Variants in MAPK14 observed in about 807,000 individuals in gnomAD.
The protein encoded by MAPK14 is mitogen-activated protein kinase 14.
A neutral mutation model predicts 49.6 loss-of-function variants in MAPK14; 16 were observed. That is an observed-to-expected ratio of 0.32 (90% CI 0.22 to 0.49). The LOEUF (loss-of-function observed/expected upper bound fraction) is 0.49. MAPK14 is among the 20% of genes least tolerant of loss of function. The pLI, the probability that MAPK14 is intolerant of heterozygous loss-of-function variation, is 0.99. For synonymous variants in MAPK14, 142 were observed against 158.0 expected (o/e 0.90, Z 0.76); for missense variants, 200 against 441.2 (o/e 0.45, Z 4.90).
intron 10 of MAPK14, among the ~76,000 whole-genome samples, chr6:36,104,608 C>T (rs193017241): frequency 1.6e-4 from 25 of 152,240 alleles, no homozygotes; most frequent in African/African-American, 5.5e-4. Context: ...AGGATGGTCT[C>T]GATCTCCTGA....
In MAPK14 at chr6:36,107,631, A is replaced by G. The variant is rs1765838267; in HGVS notation, c.1015+3A>G. 1.3e-6 allele frequency: 2 copies of G among 1,561,206 alleles called. No homozygotes were observed. Among genetic ancestry groups the G allele is most frequent in the Non-Finnish European group, 1.7e-6 (2 of 1,156,526 alleles). ...CCTCCTTATAGATGAGTGGAAAAGTAAGTCCTAAGGGTAGGATTAACATCT... is the reference window on the plus strand; with the variant it reads ...CCTCCTTATAGATGAGTGGAAAAGTGAGTCCTAAGGGTAGGATTAACATCT... On this transcript the variant is annotated splice_donor_region_variant and intron_variant, in intron 11 of 11. Coordinates refer to ENST00000229794, the MANE Select transcript of MAPK14 (RefSeq NM_139012.3). The surrounding 1 kb of genome is among the most constrained non-coding windows in gnomAD (Gnocchi z 4.3).
intron 1 of MAPK14, among the ~76,000 whole-genome samples, chr6:36,036,979 G>A (rs1042128182): frequency 2.6e-5 from 4 of 152,086 alleles, no homozygotes; most frequent in Non-Finnish European, 4.4e-5. Context: ...GACCTCAAGC[G>A]ATCCTCCTGC....
At chr6:36,030,750 C>T (rs1175414730) in intron 1 of MAPK14, among the ~76,000 whole-genome samples, 1 of 150,482 alleles carries the variant, frequency 6.6e-6, no homozygotes, top group East Asian at 1.9e-4. Flanking sequence ...TCCAGCCACT[C>T]TACTCTCTCA....
chr6:36,044,100 G>A (rs976326537), intron 1 of MAPK14, among the ~76,000 whole-genome samples: 3 of 151,864 alleles, frequency 2.0e-5, no homozygotes, highest in East Asian at 1.9e-4. Flanking sequence ...GTGAGCCACC[G>A]CACCCGGCCC....
rs143969486 is a variant in MAPK14, at chr6:36,056,630, C to T, written c.247-2659C>T. On this transcript the variant is annotated intron_variant, in intron 2 of 11. Coordinates refer to ENST00000229794, the MANE Select transcript of MAPK14 (RefSeq NM_139012.3). ...AGTTTTTATTTGAAAATAGTTTTGACTTTTGTCTTTTGAGGTAACTCTTGC... is the reference window on the plus strand; with the variant it reads ...AGTTTTTATTTGAAAATAGTTTTGATTTTTGTCTTTTGAGGTAACTCTTGC... Among the ~76,000 whole-genome samples the T allele has an allele frequency of 4.2e-3, 639 of 152,208 alleles. 2 individuals are homozygous for T. The highest frequency in any genetic ancestry group is 7.9e-3 in the Non-Finnish European group (540 of 67,996).
intron 2 of MAPK14, among the ~76,000 whole-genome samples, chr6:36,055,765 CTAT>C (rs1763567893): frequency 1.4e-5 from 2 of 146,438 alleles, no homozygotes; most frequent in Admixed American, 6.9e-5. Flanking sequence ...AAACCAGTCT[CTAT>C]TATTATATTA....
chr6:36,068,315 G>C (rs1228765929), intron 3 of MAPK14, among the ~76,000 whole-genome samples: 2 of 152,132 alleles, frequency 1.3e-5, no homozygotes, highest in Non-Finnish European at 2.9e-5. Context: ...GACATAATTA[G>C]GGGCAGTGTA....
At chr6:36,047,784 G>A (rs1305922196) in intron 1 of MAPK14, among the ~76,000 whole-genome samples, 2 of 149,742 alleles carry the variant, frequency 1.3e-5, no homozygotes, top group African/African-American at 5.0e-5. Flanking sequence ...TGCCCAGGCT[G>A]GAGTGCAATG....
intron 2 of MAPK14, among the ~76,000 whole-genome samples, chr6:36,058,285 A>G (rs373877910): frequency 6.6e-6 from 1 of 152,192 alleles, no homozygotes; most frequent in Admixed American, 6.5e-5. Flanking sequence ...CGTGGAATAC[A>G]TTTTTAAAAA....
intron 3 of MAPK14, among the ~76,000 whole-genome samples, chr6:36,064,480 T>A (rs1301393099): frequency 1.3e-5 from 2 of 152,160 alleles, no homozygotes; most frequent in African/African-American, 4.8e-5. Flanking sequence ...TATCTCTGCC[T>A]CATTCTTGAA....
At position 36,108,392 on chromosome 6, in the gene MAPK14, A is replaced by G. The variant is rs45496794; in HGVS notation, c.1028A>G (p.Asp343Gly). 1.0e-3 allele frequency: 1,673 copies of G among 1,613,898 alleles called. 4 individuals are homozygous for G. The highest frequency in any genetic ancestry group is 2.0e-3 in the Middle Eastern group (12 of 6,062). ...LIDEWKSLTY[D>G]EVISFVPPPL... Reference sequence around the variant, plus strand: ...TCCCAATTTCTAGGCCTGACCTATGATGAAGTCATCAGCTTTGTGCCACCA... The same window carrying G: ...TCCCAATTTCTAGGCCTGACCTATGGTGAAGTCATCAGCTTTGTGCCACCA... Residue 343 changes from aspartate to glycine, a missense_variant, in exon 12 of 12, where the codon GAT (aspartate) becomes GGT (glycine). Asp to Gly is a moderately conservative substitution (Grantham distance 94). Coordinates refer to ENST00000229794, the MANE Select transcript of MAPK14 (RefSeq NM_139012.3).
chr6:36,083,866 G>A (rs188740532), intron 8 of MAPK14, among the ~76,000 whole-genome samples: 3 of 152,074 alleles, frequency 2.0e-5, no homozygotes, highest in East Asian at 1.9e-4. Context: ...AGAGTGCTTC[G>A]TTAGGTGGGC....
intron 3 of MAPK14, among the ~76,000 whole-genome samples, chr6:36,072,478 G>C (rs1167351145): frequency 6.6e-6 from 1 of 152,028 alleles, no homozygotes; most frequent in Non-Finnish European, 1.5e-5. Flanking sequence ...TAAAAACTTA[G>C]AAGTCGGGCC....
chr6:36,053,081 G>C (rs372795446), intron 2 of MAPK14, among the ~76,000 whole-genome samples: 41 of 151,698 alleles, frequency 2.7e-4, no homozygotes, highest in African/African-American at 8.5e-4. Context: ...AAAATTAAAG[G>C]ATATGTTATG....
intron 2 of MAPK14, among the ~76,000 whole-genome samples, chr6:36,054,498 C>CT (rs1205583181): frequency 1.3e-5 from 2 of 151,890 alleles, no homozygotes; most frequent in Admixed American, 6.6e-5. Flanking sequence ...TACTAGCAGT[C>CT]TTTTTTTTAT....
At chr6:36,079,772 A>G (rs952398005) in intron 8 of MAPK14, among the ~76,000 whole-genome samples, 6 of 152,172 alleles carry the variant, frequency 3.9e-5, no homozygotes, top group African/African-American at 9.7e-5. Flanking sequence ...GTGCTATCCA[A>G]TGTGGTGGTT....
intron 8 of MAPK14, among the ~76,000 whole-genome samples, chr6:36,078,234 A>G (rs1292248375): frequency 6.6e-6 from 1 of 152,166 alleles, no homozygotes; most frequent in Non-Finnish European, 1.5e-5. Flanking sequence ...AATCATACAT[A>G]CTCACAAGGT....
At chr6:36,118,491 C>T in the MAPK14 span, among the ~76,000 whole-genome samples, 1 of 152,082 alleles carries the variant, frequency 6.6e-6, no homozygotes, top group South Asian at 2.1e-4. Context: ...GCCGGTGCAC[C>T]TTTGATCCAC....
intron 8 of MAPK14, chr6:36,092,176 G>A: frequency 1.9e-6 from 1 of 527,514 alleles, no homozygotes; most frequent in South Asian, 1.4e-5. Context: ...CTTTGGCTTG[G>A]GCCTTACATT....
Sources: allele counts gnomAD v4.1 joint callset (sites outside exome capture counted in the v4.1 genomes callset), GRCh38; gene constraint gnomAD v4.1.1; non-coding constraint Gnocchi (gnomAD v3.1); transcripts MANE v1.5; gene names NCBI Gene and HGNC (gene_info 2026-07-23, HGNC 2026-07-21).